Variants in TRAF3 observed in about 807,000 individuals in gnomAD.
TRAF3 encodes the protein TNF receptor-associated factor 3.
TRAF3 carries 13 observed loss-of-function variants against 62.3 expected under a neutral mutation model. That is an observed-to-expected ratio of 0.21 (90% CI 0.14 to 0.33). The LOEUF is 0.33. Among genes scored for constraint, TRAF3 ranks in the 10% least tolerant of loss-of-function variants. The pLI, the probability that TRAF3 is intolerant of heterozygous loss-of-function variation, is 1.00. For synonymous variants in TRAF3, 269 were observed against 283.4 expected, an observed-to-expected ratio of 0.95 and a Z score of 0.51; for missense variants, 440 against 741.8, an observed-to-expected ratio of 0.59 and a Z score of 4.73.
intron 1 of TRAF3, among the ~76,000 whole-genome samples, chr14:102,825,320 G>C (rs1386547418): frequency 6.6e-6 from 1 of 152,250 alleles, no homozygotes; most frequent in Non-Finnish European, 1.5e-5. Flanking sequence ...TCACAGGCCT[G>C]CGGGGACCTG....
At chr14:102,821,281 C>T (rs1393072195) in intron 1 of TRAF3, among the ~76,000 whole-genome samples, 1 of 152,112 alleles carries the variant, frequency 6.6e-6, no homozygotes, top group Non-Finnish European at 1.5e-5. Flanking sequence ...TTAGTAACAC[C>T]GTCTCAATCT....
intron 1 of TRAF3, among the ~76,000 whole-genome samples, chr14:102,802,215 C>T (rs1410419345): frequency 5.4e-5 from 7 of 129,122 alleles, no homozygotes; most frequent in Non-Finnish European, 8.0e-5. Context: ...AGTGCAGTGG[C>T]GCAATCTTGG....
rs1225564125 is a variant in TRAF3, at chr14:102,903,637, C to T, written c.1135+208C>T. On this transcript the variant is annotated intron_variant, in intron 11 of 11. Transcript: ENST00000392745. The surrounding 1 kb of genome is among the most constrained non-coding windows in gnomAD (Gnocchi z 6.4). ...GTTTCCCGCGCAGGCTTGTCCCCTC[C>T]GTGTGAGGCCCTACATGGTGTAGAA... is the stretch of plus-strand genomic sequence containing the variant. 8.0e-6 allele frequency: 6 copies of T among 746,502 alleles called. No homozygotes were observed. Among genetic ancestry groups the T allele is most frequent in the South Asian group, 2.9e-5 (2 of 67,962 alleles). 46.2% of individuals were successfully genotyped at this position (746,502 alleles called of 1,614,324 possible). A position where few individuals can be genotyped will look rare whatever the true frequency, so the allele number is the denominator to read the frequency against.
intron 3 of TRAF3, among the ~76,000 whole-genome samples, chr14:102,871,044 G>C (rs1252547241): frequency 1.3e-5 from 2 of 152,212 alleles, no homozygotes; most frequent in Non-Finnish European, 2.9e-5. Context: ...TCACCCTGCA[G>C]GCCTCATGTT....
At chr14:102,852,189 A>G (rs1253501935) in intron 2 of TRAF3, among the ~76,000 whole-genome samples, 2 of 152,076 alleles carry the variant, frequency 1.3e-5, no homozygotes, top group Admixed American at 6.6e-5. Context: ...GCTAGACTCA[A>G]CCTCCTGGGC....
In TRAF3 at chr14:102,794,123, T is replaced by TA. The variant is rs528533889; in HGVS notation, c.-157+16449dup. ...TTCTTACATGACAACTCAGAACTCT[T>TA]AGAGTGAGTGTTCTAGGAGAGGAAG... On this transcript the variant is annotated intron_variant, in intron 1 of 11. Transcript: ENST00000392745. Among the ~76,000 whole-genome samples, 1,056 of 152,252 alleles carry TA rather than the reference T, an allele frequency of 6.9e-3. 10 individuals are homozygous for TA. The highest frequency in any genetic ancestry group is 0.011 in the Non-Finnish European group (731 of 68,018).
At chr14:102,856,962 A>C (rs1202930183) in intron 2 of TRAF3, among the ~76,000 whole-genome samples, 5 of 152,266 alleles carry the variant, frequency 3.3e-5, no homozygotes, top group Non-Finnish European at 7.3e-5. Context: ...TCAGTTTAAG[A>C]AAACATTCAG....
At chr14:102,886,141 G>T (rs1288162842) in intron 6 of TRAF3, 48 bp from the exon 7 acceptor site, 1 of 1,600,096 alleles carries the variant, frequency 6.2e-7, no homozygotes, top group Non-Finnish European at 8.6e-7. Context: ...GGGACTGAAG[G>T]AAGACAGGTT....
intron 1 of TRAF3, among the ~76,000 whole-genome samples, chr14:102,782,232 T>C (rs1212194968): frequency 4.6e-5 from 7 of 151,162 alleles, no homozygotes; most frequent in Non-Finnish European, 1.0e-4. Context: ...CCCACCACAC[T>C]CGGCCTATTT....
intron 1 of TRAF3, among the ~76,000 whole-genome samples, chr14:102,778,380 G>C (rs1897121994): frequency 6.6e-6 from 1 of 152,154 alleles, no homozygotes; most frequent in Non-Finnish European, 1.5e-5. Context: ...TCTAGTATTT[G>C]GACCCGAGGA....
chr14:102,881,055 C>G (rs892230645), intron 6 of TRAF3, among the ~76,000 whole-genome samples: 1 of 151,910 alleles, frequency 6.6e-6, no homozygotes, highest in African/African-American at 2.4e-5. Context: ...ATCATGCACT[C>G]CAGCCTGGTC....
intron 1 of TRAF3, among the ~76,000 whole-genome samples, chr14:102,795,409 C>A (rs1357646648): frequency 6.6e-6 from 1 of 152,212 alleles, no homozygotes; most frequent in Non-Finnish European, 1.5e-5. Flanking sequence ...TGGAGAACCC[C>A]AACAACCCTG....
In TRAF3 at chr14:102,897,686, GC is replaced by G. The variant is rs375992974; in HGVS notation, c.960+286del. ...TACCGTTGGAGAAATAAGATGCGAA[GC>G]TTGTATTTGTTAAATTAGCTGTTTT... is the stretch of plus-strand genomic sequence containing the variant. On this transcript the variant is annotated intron_variant, in intron 10 of 11. Transcript: ENST00000392745. 1.4e-4 allele frequency among the ~76,000 whole-genome samples: 21 copies of G among 152,330 alleles called. No homozygotes were observed. The East Asian group carries it at 3.3e-3, about 24-fold the overall frequency.
intron 1 of TRAF3, among the ~76,000 whole-genome samples, chr14:102,813,355 G>A (rs1028288246): frequency 3.3e-5 from 5 of 152,092 alleles, no homozygotes; most frequent in African/African-American, 1.2e-4. Context: ...TTGATGATTA[G>A]TGATACTGAG....
rs1462259878 is a variant in TRAF3, at chr14:102,891,406, C to T, written c.808C>T (p.Leu270Phe). 1 of 1,612,032 alleles carries T rather than the reference C, an allele frequency of 6.2e-7. No individual in the cohort carries two copies. The highest frequency in any genetic ancestry group is 8.5e-7 in the Non-Finnish European group (1 of 1,179,272). ...VNLLKEWSNSLEKKVSLLQNE... is the reference protein window; with the variant it reads ...VNLLKEWSNSFEKKVSLLQNE... ...CCTGCTGAAGGAGTGGAGCAACTCG[C>T]TCGAAAAGAAGGTGGGCTGCACACT... Residue 270 changes from leucine to phenylalanine, a missense_variant, in exon 9 of 12, where the codon CTC becomes TTC. Around this residue, in one of 6 missense-constraint regions of TRAF3, gnomAD observed 255 missense variants for 424.1 expected, o/e 0.60. Transcript: ENST00000392745.
intron 1 of TRAF3, among the ~76,000 whole-genome samples, chr14:102,786,764 C>T (rs919363422): frequency 3.3e-5 from 5 of 152,046 alleles, no homozygotes; most frequent in Middle Eastern, 3.2e-3. Flanking sequence ...GCGGGGGGAT[C>T]GCTTGAATCC....
intron 2 of TRAF3, among the ~76,000 whole-genome samples, chr14:102,851,692 C>T (rs1368319190): frequency 6.6e-6 from 1 of 152,038 alleles, no homozygotes; most frequent in Non-Finnish European, 1.5e-5. Context: ...TGCAGTGAGC[C>T]GAGATGGCGC....
chr14:102,894,801 A>T (rs1889914352), intron 9 of TRAF3, among the ~76,000 whole-genome samples: 1 of 152,156 alleles, frequency 6.6e-6, no homozygotes, highest in African/African-American at 2.4e-5. Context: ...TCCTGGGCTC[A>T]AGTGATCCCA....
intron 2 of TRAF3, among the ~76,000 whole-genome samples, chr14:102,844,356 G>A (rs1886565017): frequency 6.6e-6 from 1 of 152,306 alleles, no homozygotes; most frequent in South Asian, 2.1e-4. Context: ...GTTCACTTGG[G>A]CCAGTTTCTT....
Sources: gnomAD v4.1 joint callset for allele counts (sites outside exome capture counted in the v4.1 genomes callset) on GRCh38, gnomAD v4.1.1 for gene constraint, gnomAD v4.1.1 regional missense constraint, Gnocchi (gnomAD v3.1) non-coding constraint, MANE v1.5 for transcripts, NCBI Gene and HGNC (gene_info 2026-07-23, HGNC 2026-07-21) for gene names.